FHIT: variants seen among roughly 807,000 people sequenced by gnomAD.
The protein encoded by FHIT is bis(5'-adenosyl)-triphosphatase.
In FHIT, 19 loss-of-function variants were observed where a neutral mutation model predicts 17.9. That is an observed-to-expected ratio of 1.06 (90% CI 0.74 to 1.56). The LOEUF is 1.56. Ranked by LOEUF, FHIT falls within the 40% of genes most tolerant of loss-of-function variation. The pLI is 0.00. For missense variants in FHIT, 248 were observed against 189.2 expected, an observed-to-expected ratio of 1.31 and a Z score of -1.82; for synonymous variants, 81 against 69.7, an observed-to-expected ratio of 1.16 and a Z score of -0.81.
chr3:61,033,668 G>A (rs1003356935), intron 3 of FHIT, among the ~76,000 whole-genome samples: 11 of 152,282 alleles, frequency 7.2e-5, no homozygotes, highest in East Asian at 1.9e-4. Context: ...AGACCCTGGA[G>A]ACAAGTTGAA....
intron 5 of FHIT, among the ~76,000 whole-genome samples, chr3:60,419,285 G>A (rs774678456): frequency 3.9e-5 from 6 of 152,152 alleles, no homozygotes; most frequent in African/African-American, 1.2e-4. Context: ...AGCAAGTGTC[G>A]TCAACACTCA....
chr3:60,816,974 C>G (rs1701762368), intron 4 of FHIT, among the ~76,000 whole-genome samples: 1 of 151,114 alleles, frequency 6.6e-6, no homozygotes. Flanking sequence ...CTTTTTCTTC[C>G]CTCTGCAACT....
chr3:60,759,273 T>C (rs1046845537), intron 4 of FHIT, among the ~76,000 whole-genome samples: 4 of 152,104 alleles, frequency 2.6e-5, no homozygotes, highest in African/African-American at 9.7e-5. Context: ...GTGGCAAGGA[T>C]AGAAATAGAG....
At chr3:60,095,737 G>A (rs975497147) in intron 5 of FHIT, among the ~76,000 whole-genome samples, 5 of 152,178 alleles carry the variant, frequency 3.3e-5, no homozygotes, top group African/African-American at 7.2e-5. Flanking sequence ...CACAGGCTGA[G>A]AAAAGGCAAA....
At chr3:59,770,243 T>A (rs1702014758) in intron 8 of FHIT, among the ~76,000 whole-genome samples, 1 of 152,198 alleles carries the variant, frequency 6.6e-6, no homozygotes. Flanking sequence ...TATGTGGTAA[T>A]TAGTTATTAC....
chr3:60,412,745 T>C (rs1015062902), intron 5 of FHIT, among the ~76,000 whole-genome samples: 1 of 152,172 alleles, frequency 6.6e-6, no homozygotes, highest in Non-Finnish European at 1.5e-5. Flanking sequence ...TCATTTTGAA[T>C]TGTAATTTCC....
intron 8 of FHIT, among the ~76,000 whole-genome samples, chr3:59,854,763 T>A (rs2106810446): frequency 6.6e-6 from 1 of 152,082 alleles, no homozygotes; most frequent in South Asian, 2.1e-4. Flanking sequence ...ATTATTGCCA[T>A]ACTAGGCTCC....
At chr3:61,221,234 T>C (rs765725614) in intron 1 of FHIT, among the ~76,000 whole-genome samples, 2 of 152,188 alleles carry the variant, frequency 1.3e-5, no homozygotes, top group Non-Finnish European at 2.9e-5. Context: ...AATGTGGCAT[T>C]TGCACAGGGA....
At chr3:61,187,216 G>A (rs773165140) in intron 2 of FHIT, among the ~76,000 whole-genome samples, 1 of 152,008 alleles carries the variant, frequency 6.6e-6, no homozygotes, top group African/African-American at 2.4e-5. Context: ...TTCTTGATAA[G>A]GAACTAAGGA....
At chr3:61,202,045 C>CAT (rs1360990426) in intron 1 of FHIT, among the ~76,000 whole-genome samples, 1 of 150,452 alleles carries the variant, frequency 6.6e-6, no homozygotes, top group East Asian at 2.0e-4. Context: ...TATATACCTA[C>CAT]ATATATATAC....
At chr3:61,043,359 C>T (rs554687782) in intron 2 of FHIT, among the ~76,000 whole-genome samples, 3 of 152,184 alleles carry the variant, frequency 2.0e-5, no homozygotes, top group Admixed American at 6.5e-5. Context: ...CCCACGCCCA[C>T]GGAGCCTTGC....
intron 4 of FHIT, among the ~76,000 whole-genome samples, chr3:60,702,763 A>G (rs1553702522): frequency 6.6e-6 from 1 of 152,178 alleles, no homozygotes; most frequent in Admixed American, 6.6e-5. Context: ...TAACAGTGCT[A>G]ATAGCAAATA....
At chr3:59,878,914 A>G (rs959417599) in intron 8 of FHIT, among the ~76,000 whole-genome samples, 1 of 152,092 alleles carries the variant, frequency 6.6e-6, no homozygotes, top group Non-Finnish European at 1.5e-5. Flanking sequence ...CCTTGTTCAT[A>G]TCTTATACTG....
At chr3:60,243,708 C>T (rs1240386058) in intron 5 of FHIT, among the ~76,000 whole-genome samples, 2 of 152,048 alleles carry the variant, frequency 1.3e-5, no homozygotes, top group African/African-American at 2.4e-5. Context: ...CCTTCTTAAA[C>T]GTTGAAGATA....
intron 5 of FHIT, among the ~76,000 whole-genome samples, chr3:60,041,502 A>T (rs1321094070): frequency 1.3e-5 from 2 of 152,312 alleles, no homozygotes; most frequent in Non-Finnish European, 2.9e-5. Context: ...TTAGCCACAC[A>T]CTTGTTTACC....
At chr3:59,977,179 G>T (rs1708452277) in intron 7 of FHIT, among the ~76,000 whole-genome samples, 1 of 152,104 alleles carries the variant, frequency 6.6e-6, no homozygotes. Context: ...TAGCACAACT[G>T]AGTCCCAGAT....
chr3:60,173,884 A>AATATAT (rs776742490), intron 5 of FHIT, among the ~76,000 whole-genome samples: 1,710 of 30,442 alleles, frequency 0.056, 164 homozygotes, highest in Non-Finnish European at 0.072. Flanking sequence ...CCATGTTTCT[A>AATATAT]ATATATATAT....
At chr3:60,690,810 G>T in intron 4 of FHIT, 1 of 335,324 alleles carries the variant, frequency 3.0e-6, no homozygotes, top group Admixed American at 3.9e-5. Flanking sequence ...AGTTACCTGG[G>T]CAGTGCTTCC....
At chr3:60,924,037 G>C (rs1553769148) in intron 3 of FHIT, among the ~76,000 whole-genome samples, 1 of 152,170 alleles carries the variant, frequency 6.6e-6, no homozygotes, top group Admixed American at 6.5e-5. Flanking sequence ...GCCGAGGCTT[G>C]AGTAGGTAAA....
Sources: gnomAD v4.1 joint callset for allele counts (sites outside exome capture counted in the v4.1 genomes callset) on GRCh38, gnomAD v4.1.1 for gene constraint, MANE v1.5 for transcripts, NCBI Gene and HGNC (gene_info 2026-07-23, HGNC 2026-07-21) for gene names.